TRIM22: variants seen among roughly 807,000 people sequenced by gnomAD.
TRIM22 encodes tripartite motif containing 22, also known as E3 ubiquitin-protein ligase TRIM22.
Under a neutral mutation model 53.6 loss-of-function variants are expected in TRIM22, and 45 were observed. The ratio of observed to expected loss-of-function variants is 0.84; its 90% CI spans 0.66 to 1.08. The LOEUF is 1.08. Among genes scored for constraint, TRIM22 ranks in the 50% least tolerant of loss-of-function variants. TRIM22 has a pLI of 0.00. For missense variants in TRIM22, 616 were observed against 590.9 expected (o/e 1.04, Z -0.44); for synonymous variants, 225 against 216.6 (o/e 1.04, Z -0.34).
intron 1 of TRIM22, chr11:5,691,031 G>C (rs925189219): frequency 1.3e-5 from 2 of 152,304 alleles, no homozygotes; most frequent in Non-Finnish European, 2.9e-5. Context: ...CCGCAGGACG[G>C]GCAGACTGCT....
At chr11:5,701,457 T>C (rs1853372021) in intron 4 of TRIM22, among the ~76,000 whole-genome samples, 1 of 152,232 alleles carries the variant, frequency 6.6e-6, no homozygotes, top group South Asian at 2.1e-4. Context: ...TTTACATTTG[T>C]TAACGTGTAT....
intron 3 of TRIM22, 134 bp downstream of exon 3, chr11:5,697,477 T>A: frequency 1.6e-6 from 1 of 609,076 alleles, no homozygotes; most frequent in African/African-American, 1.8e-5. Context: ...TAGGTCTCAA[T>A]TTAACTCCTT....
At chr11:5,696,076 A>G (rs769594197) in intron 1 of TRIM22, 91 bp from the exon 2 acceptor site, 3 of 585,102 alleles carry the variant, frequency 5.1e-6, no homozygotes, top group Non-Finnish European at 8.7e-6. Flanking sequence ...TCTCTGTTAA[A>G]TATTAATGTT....
At position 5,708,199 on chromosome 11, in the gene TRIM22, C is replaced by A; in HGVS notation, c.800C>A (p.Pro267Gln). The change falls in exon 6 of 8, where the codon CCA becomes CAA. Residue 267 changes from proline to glutamine, a missense_variant. Physicochemically the swap from Pro to Gln is moderately conservative, Grantham distance 76 (BLOSUM62 -1). Transcript: ENST00000379965. ...KRSESWTLKK[P>Q]KSVSKKLKSV... ...AGTGAAAGCTGGACATTGAAGAAGC[C>A]AAAATCTGTTTCCAAGAAACTAAAG... 1.2e-6 allele frequency: 2 copies of A among 1,614,134 alleles called. No individual in the cohort carries two copies. The highest frequency in any genetic ancestry group is 2.2e-5 in the South Asian group (2 of 91,084).
chr11:5,705,283 T>A (rs567093723), intron 4 of TRIM22, among the ~76,000 whole-genome samples: 1 of 152,194 alleles, frequency 6.6e-6, no homozygotes, highest in Non-Finnish European at 1.5e-5. Context: ...CTGATGGGTA[T>A]CATATCAGGG....
chr11:5,698,901 C>T (rs1853317135), intron 4 of TRIM22, among the ~76,000 whole-genome samples: 1 of 152,164 alleles, frequency 6.6e-6, no homozygotes, highest in Admixed American at 6.5e-5. Flanking sequence ...TCCTGGCAGC[C>T]TATCTGTTTT....
intron 4 of TRIM22, among the ~76,000 whole-genome samples, chr11:5,704,949 C>T (rs905013198): frequency 6.6e-6 from 1 of 152,068 alleles, no homozygotes; most frequent in African/African-American, 2.4e-5. Flanking sequence ...AGGCTGAAGA[C>T]GTGGCAGACA....
At chr11:5,695,692 G>A (rs147185135) in intron 1 of TRIM22, among the ~76,000 whole-genome samples, 1 of 151,990 alleles carries the variant, frequency 6.6e-6, no homozygotes, top group Non-Finnish European at 1.5e-5. Context: ...AGTGTTTGAT[G>A]CTATGTAAAT....
rs1488307821 is a variant in TRIM22, at chr11:5,708,169, C to G, written c.774-4C>G. ...TAAAGGTTATCAATTTTTGTTATCACTAGGAGTGAAAGCTGGACATTGAAG... is the reference window on the plus strand; with the variant it reads ...TAAAGGTTATCAATTTTTGTTATCAGTAGGAGTGAAAGCTGGACATTGAAG... On this transcript the variant is annotated splice_region_variant and splice_polypyrimidine_tract_variant and intron_variant, in intron 5 of 7. Coordinates refer to ENST00000379965, the MANE Select transcript of TRIM22 (RefSeq NM_006074.5). 1.9e-5 allele frequency: 30 copies of G among 1,611,016 alleles called. No homozygotes were observed. The highest frequency in any genetic ancestry group is 2.5e-5 in the Non-Finnish European group (29 of 1,177,172).
chr11:5,695,200 T>G (rs1392474321), intron 1 of TRIM22, among the ~76,000 whole-genome samples: 1 of 152,124 alleles, frequency 6.6e-6, no homozygotes, highest in Non-Finnish European at 1.5e-5. Context: ...GTGCAGTGAG[T>G]GACAGTACTG....
At chr11:5,706,031 A>G (rs117741494) in intron 4 of TRIM22, among the ~76,000 whole-genome samples, 9 of 152,176 alleles carry the variant, frequency 5.9e-5, no homozygotes, top group Admixed American at 4.6e-4. Context: ...AATTTTCATC[A>G]TTAGATCCCT....
intron 7 of TRIM22, 108 bp downstream of exon 7, chr11:5,708,711 TAG>T: frequency 1.0e-6 from 1 of 981,418 alleles, no homozygotes; most frequent in Non-Finnish European, 1.4e-6. Context: ...TTAAACCATG[TAG>T]TTCTTTTTTT....
intron 4 of TRIM22, among the ~76,000 whole-genome samples, chr11:5,698,968 A>C (rs1034772562): frequency 6.6e-6 from 1 of 152,216 alleles, no homozygotes; most frequent in Non-Finnish European, 1.5e-5. Context: ...ATTATAAAAC[A>C]TGTAGTCTTT....
At chr11:5,698,611 C>A in intron 4 of TRIM22, 66 bp downstream of exon 4, 2 of 1,322,140 alleles carry the variant, frequency 1.5e-6, no homozygotes, top group South Asian at 1.3e-5. Context: ...GATTTTCCTT[C>A]CCTTCCCAGT....
intron 1 of TRIM22, among the ~76,000 whole-genome samples, chr11:5,694,806 GGTGT>G (rs1008942421): frequency 6.6e-6 from 1 of 151,928 alleles, no homozygotes; most frequent in Non-Finnish European, 1.5e-5. Flanking sequence ...GTGGTGTGTG[GGTGT>G]GTGTGTATGT....
chr11:5,709,508 A>G lies in TRIM22; in HGVS notation c.1357A>G (p.Ile453Val). 2 of 1,613,836 alleles carry G rather than the reference A, an allele frequency of 1.2e-6. No homozygotes were observed. Among genetic ancestry groups the G allele is most frequent in the Non-Finnish European group, 1.7e-6 (2 of 1,179,960 alleles). ...GGTTTTCCTAGACTATGAGGCAGGC[A>G]TTGTCTCATTTTTCAATGTCACAAA... ...IGVFLDYEAG[I>V]VSFFNVTNHG... The change falls in exon 8 of 8, where the codon ATT becomes GTT. Residue 453 changes from isoleucine (I) to valine (V), a missense_variant. Physicochemically the swap from Ile to Val is conservative, Grantham distance 29. Transcript: ENST00000379965.
rs1209012178 is a variant in TRIM22 at position 5,696,344 on chromosome 11, T to G, written c.112T>G (p.Cys38Gly). The G allele has an allele frequency of 6.2e-7, 1 of 1,614,126 alleles. No homozygotes were observed. Among genetic ancestry groups the G allele is most frequent in the Non-Finnish European group, 8.5e-7 (1 of 1,180,054 alleles). The change falls in exon 2 of 8, where the codon TGC (cysteine) becomes GGC (glycine). Residue 38 changes from cysteine (C) to glycine (G), a missense_variant. Coordinates refer to ENST00000379965, the MANE Select transcript of TRIM22 (RefSeq NM_006074.5). ...TTGTGGCCACAGCTTCTGCCAAGCC[T>G]GCATCACTGCAAAGATCAAGGAGTC... ...LDCGHSFCQACITAKIKESVI... is the reference protein window; with the variant it reads ...LDCGHSFCQAGITAKIKESVI...
chr11:5,706,361 A>C (rs1853456429), intron 4 of TRIM22, among the ~76,000 whole-genome samples: 1 of 152,194 alleles, frequency 6.6e-6, no homozygotes, highest in South Asian at 2.1e-4. Context: ...GTAAGATAGG[A>C]GGGCCTATTA....
intron 4 of TRIM22, 121 bp from the exon 5 acceptor site, chr11:5,706,473 A>G (rs951141022): frequency 6.2e-6 from 4 of 644,662 alleles, no homozygotes; most frequent in African/African-American, 5.6e-5. Flanking sequence ...CTTAAATATT[A>G]TAAGGGTCAT....
Sources: gnomAD v4.1 joint callset for allele counts (sites outside exome capture counted in the v4.1 genomes callset) on GRCh38, gnomAD v4.1.1 for gene constraint, MANE v1.5 for transcripts, NCBI Gene and HGNC (gene_info 2026-07-23, HGNC 2026-07-21) for gene names.